OPCML: variants seen among roughly 807,000 people sequenced by gnomAD.
OPCML encodes opioid binding protein/cell adhesion molecule like, also known as opioid-binding protein/cell adhesion molecule.
In OPCML, 13 loss-of-function variants were observed where a neutral mutation model predicts 37.8. The ratio of observed to expected loss-of-function variants is 0.34; its 90% CI spans 0.22 to 0.55. The LOEUF (loss-of-function observed/expected upper bound fraction) is 0.55. OPCML is among the 20% of genes least tolerant of loss of function. The pLI is 0.91. For synonymous variants in OPCML, 176 were observed against 168.8 expected, an observed-to-expected ratio of 1.04 and a Z score of -0.33; for missense variants, 341 against 435.6, an observed-to-expected ratio of 0.78 and a Z score of 1.93.
intron 1 of OPCML, among the ~76,000 whole-genome samples, chr11:133,498,743 G>A (rs1367824976): frequency 1.3e-5 from 2 of 152,170 alleles, no homozygotes; most frequent in African/African-American, 4.8e-5. Flanking sequence ...TGAAAACCAG[G>A]GAGGTCCCAA....
chr11:132,999,000 C>G (rs1946940744), intron 1 of OPCML, among the ~76,000 whole-genome samples: 1 of 152,174 alleles, frequency 6.6e-6, no homozygotes, highest in Non-Finnish European at 1.5e-5. Context: ...GTCATCTAGC[C>G]AAATTCCCTC....
intron 2 of OPCML, among the ~76,000 whole-genome samples, chr11:132,711,889 C>T (rs1487247499): frequency 1.3e-5 from 2 of 152,148 alleles, no homozygotes; most frequent in African/African-American, 4.8e-5. Context: ...AACACGCGTG[C>T]AATAATGGTA....
intron 1 of OPCML, among the ~76,000 whole-genome samples, chr11:133,324,631 C>T (rs1943407214): frequency 6.6e-6 from 1 of 152,198 alleles, no homozygotes; most frequent in Non-Finnish European, 1.5e-5. Context: ...GCAGTGGGAC[C>T]TCCGGCCTCA....
intron 2 of OPCML, among the ~76,000 whole-genome samples, chr11:132,860,278 C>T (rs1250037275): frequency 6.6e-6 from 1 of 152,130 alleles, no homozygotes; most frequent in Non-Finnish European, 1.5e-5. Context: ...TCTCATGTTC[C>T]TGAACCTGAT....
At chr11:133,191,095 A>G (rs1467385981) in intron 1 of OPCML, among the ~76,000 whole-genome samples, 1 of 151,590 alleles carries the variant, frequency 6.6e-6, no homozygotes. Context: ...CCATTTTTTC[A>G]TTTTCCTATA....
intron 2 of OPCML, among the ~76,000 whole-genome samples, chr11:132,888,356 T>A (rs1161322649): frequency 6.6e-6 from 1 of 151,996 alleles, no homozygotes; most frequent in Non-Finnish European, 1.5e-5. Context: ...CCTCTAGAGA[T>A]CAGAGGCTGT....
intron 1 of OPCML, among the ~76,000 whole-genome samples, chr11:133,122,280 C>A (rs1464821936): frequency 1.3e-5 from 2 of 152,114 alleles, no homozygotes; most frequent in African/African-American, 4.8e-5. Flanking sequence ...GGTTGCCCAA[C>A]CTTGGGATAG....
intron 1 of OPCML, among the ~76,000 whole-genome samples, chr11:132,974,967 C>T (rs979791203): frequency 1.3e-5 from 2 of 151,710 alleles, no homozygotes; most frequent in African/African-American, 4.8e-5. Context: ...CAATTATTAC[C>T]TATAAGCTAA....
At chr11:133,438,694 A>AG (rs904187310) in intron 1 of OPCML, among the ~76,000 whole-genome samples, 2 of 152,114 alleles carry the variant, frequency 1.3e-5, no homozygotes, top group African/African-American at 2.4e-5. Context: ...TCACTTCAGG[A>AG]GGGGGGCTGC....
At chr11:132,967,903 G>A (rs1946250166) in intron 1 of OPCML, among the ~76,000 whole-genome samples, 1 of 151,990 alleles carries the variant, frequency 6.6e-6, no homozygotes, top group African/African-American at 2.4e-5. Context: ...AGGAATTAAT[G>A]TCTTCAGAGC....
At chr11:132,992,074 A>T (rs1946791498) in intron 1 of OPCML, among the ~76,000 whole-genome samples, 1 of 152,138 alleles carries the variant, frequency 6.6e-6, no homozygotes, top group Non-Finnish European at 1.5e-5. Flanking sequence ...TGATGAAGCC[A>T]TTGTATTGAT....
chr11:132,916,190 A>T lies in OPCML; in HGVS notation c.146+26736T>A, dbSNP rs189463985. Among the ~76,000 whole-genome samples the T allele has an allele frequency of 1.4e-4, 22 of 152,338 alleles. No homozygotes were observed. The East Asian group carries it at 2.7e-3, about 19-fold the overall frequency. The stretch of plus-strand genomic sequence containing the variant: ...ATTTCTAATTGATGGTAACATATAT[A>T]TGCATCCTTATAAGCCTCTTTATAC... On this transcript the variant is annotated intron_variant, in intron 2 of 7. Transcript: ENST00000524381.
chr11:132,957,386 G>A (rs1331570371), intron 1 of OPCML, among the ~76,000 whole-genome samples: 2 of 152,148 alleles, frequency 1.3e-5, no homozygotes, highest in Non-Finnish European at 2.9e-5. Flanking sequence ...GATGGGGTCT[G>A]ACTGTCTCAC....
intron 1 of OPCML, among the ~76,000 whole-genome samples, chr11:133,318,261 C>T (rs769295094): frequency 7.9e-5 from 12 of 152,228 alleles, no homozygotes; most frequent in Non-Finnish European, 1.6e-4. Flanking sequence ...TCTCCTTCAT[C>T]AGTCTGTGCA....
intron 1 of OPCML, among the ~76,000 whole-genome samples, chr11:133,440,496 G>T (rs748418291): frequency 6.6e-6 from 1 of 151,776 alleles, no homozygotes; most frequent in Non-Finnish European, 1.5e-5. Context: ...GGAGGCCGAG[G>T]TGGGTGGATC....
intron 4 of OPCML, among the ~76,000 whole-genome samples, chr11:132,483,579 A>G (rs868744807): frequency 8.0e-4 from 122 of 152,302 alleles, no homozygotes; most frequent in African/African-American, 2.8e-3. Flanking sequence ...TAAAGTTCAT[A>G]TGGAACCAAA....
chr11:133,052,571 C>T (rs1447235737), intron 1 of OPCML, among the ~76,000 whole-genome samples: 2 of 152,210 alleles, frequency 1.3e-5, no homozygotes, highest in Admixed American at 6.5e-5. Flanking sequence ...GTCCATGGCA[C>T]CTGGATGTTG....
chr11:133,002,736 G>C (rs1947030263), intron 1 of OPCML, among the ~76,000 whole-genome samples: 1 of 149,980 alleles, frequency 6.7e-6, no homozygotes, highest in Non-Finnish European at 1.5e-5. Flanking sequence ...AGGAGGGAAG[G>C]AGAAGTAGAA....
Position 133,259,916 on chromosome 11 carries a change from G to A in OPCML, c.61+272348C>T, listed in dbSNP as rs533658761. Among the ~76,000 whole-genome samples, 11 of 152,256 alleles carry A rather than the reference G, an allele frequency of 7.2e-5. No individual in the cohort carries two copies. The East Asian group carries it at 1.5e-3, about 21-fold the overall frequency. On this transcript the variant is annotated intron_variant, in intron 1 of 7. Coordinates refer to ENST00000524381, the MANE Select transcript of OPCML (RefSeq NM_001012393.5). The stretch of plus-strand genomic sequence containing the variant: ...TACGGTAGTGAACATAACAGACAAC[G>A]TCCCTGTCTTCATAGAGTTTCCATT...
Sources: gnomAD v4.1 joint callset for allele counts (sites outside exome capture counted in the v4.1 genomes callset) on GRCh38, gnomAD v4.1.1 for gene constraint, MANE v1.5 for transcripts, NCBI Gene and HGNC (gene_info 2026-07-23, HGNC 2026-07-21) for gene names.